The following SLC15A1 variants were observed in gnomAD, a reference collection of about 807,000 sequenced individuals.
SLC15A1 encodes the protein solute carrier family 15 member 1.
In SLC15A1, 83 loss-of-function variants were observed where a neutral mutation model predicts 92.9. The ratio of observed to expected loss-of-function variants is 0.89; its 90% CI spans 0.75 to 1.07. The LOEUF (loss-of-function observed/expected upper bound fraction) is 1.07. Ranked by LOEUF, SLC15A1 falls within the 50% of genes least tolerant of loss-of-function variation. SLC15A1 has a pLI of 0.00. For missense variants in SLC15A1, 857 were observed against 880.1 expected (o/e 0.97, Z 0.33); for synonymous variants, 322 against 318.2 (o/e 1.01, Z -0.13).
chr13:98,723,865 C>G (rs369555093), intron 5 of SLC15A1, 47 bp downstream of exon 5: 3 of 1,609,786 alleles, frequency 1.9e-6, no homozygotes, highest in Admixed American at 1.7e-5. Flanking sequence ...GCATCAAATG[C>G]GCACAAGGTG....
At chr13:98,747,640 G>C (rs1453835772) in intron 1 of SLC15A1, among the ~76,000 whole-genome samples, 1 of 152,162 alleles carries the variant, frequency 6.6e-6, no homozygotes, top group Non-Finnish European at 1.5e-5. Flanking sequence ...CAGCACTTTG[G>C]GAGGCCAAGG....
chr13:98,744,024 C>G (rs1044441291), intron 1 of SLC15A1, among the ~76,000 whole-genome samples: 3 of 151,704 alleles, frequency 2.0e-5, no homozygotes, highest in African/African-American at 7.3e-5. Context: ...ACATAAATGT[C>G]GCTAAATTAA....
At chr13:98,725,504 C>A (rs1841176665) in intron 4 of SLC15A1, among the ~76,000 whole-genome samples, 2 of 152,150 alleles carry the variant, frequency 1.3e-5, no homozygotes, top group Admixed American at 1.3e-4. Context: ...TTCTTCATAT[C>A]CCCAGACCTT....
At chr13:98,743,819 C>T (rs1275631086) in intron 1 of SLC15A1, among the ~76,000 whole-genome samples, 1 of 151,940 alleles carries the variant, frequency 6.6e-6, no homozygotes, top group Non-Finnish European at 1.5e-5. Context: ...GGTAAATAAA[C>T]AAATATATGC....
intron 18 of SLC15A1, among the ~76,000 whole-genome samples, chr13:98,699,368 C>T (rs2088049175): frequency 1.3e-5 from 2 of 152,206 alleles, no homozygotes; most frequent in Admixed American, 6.5e-5. Flanking sequence ...GGACCAGCCC[C>T]TCCCCACACC....
chr13:98,740,973 G>C (rs1316059083), intron 1 of SLC15A1, among the ~76,000 whole-genome samples: 1 of 152,206 alleles, frequency 6.6e-6, no homozygotes, highest in African/African-American at 2.4e-5. Context: ...TTCTGGAGTG[G>C]CTCTTGTTGA....
intron 22 of SLC15A1, 69 bp downstream of exon 22, chr13:98,686,121 G>A (rs1185208165): frequency 8.6e-7 from 1 of 1,161,226 alleles, no homozygotes; most frequent in Non-Finnish European, 1.3e-6. Context: ...AGATGGCTAG[G>A]GAAGGCCACC....
At chr13:98,726,088 G>T (rs189851810) in intron 4 of SLC15A1, 35 bp downstream of exon 4, 11 of 1,605,754 alleles carry the variant, frequency 6.9e-6, no homozygotes, top group Admixed American at 3.4e-5. Flanking sequence ...TTACTTTTTC[G>T]CTTGTTTGTG....
chr13:98,712,478 T>C lies in SLC15A1; in HGVS notation c.810+20A>G, dbSNP rs760513341. 2 of 1,543,164 alleles carry C rather than the reference T, an allele frequency of 1.3e-6. No individual in the cohort carries two copies. The highest frequency in any genetic ancestry group is 1.8e-6 in the Non-Finnish European group (2 of 1,117,594). ...CTTCCTGGGGGAATCAGGGTCATTG[T>C]AGCAATGACCGTTACTTACATCGTA... On this transcript the variant is annotated intron_variant, in intron 10 of 22. Coordinates refer to ENST00000376503, the MANE Select transcript of SLC15A1 (RefSeq NM_005073.4).
At chr13:98,694,770 T>G (rs2088007821) in intron 18 of SLC15A1, among the ~76,000 whole-genome samples, 1 of 152,188 alleles carries the variant, frequency 6.6e-6, no homozygotes, top group African/African-American at 2.4e-5. Flanking sequence ...CTCATGCCTG[T>G]AATCCCAGCA....
rs1445016370 is a variant in SLC15A1, at chr13:98,704,445, G to T, written c.1270-10C>A. 1.2e-6 allele frequency: 2 copies of T among 1,609,004 alleles called. No individual in the cohort carries two copies. The highest frequency in any genetic ancestry group is 1.7e-5 in the Admixed American group (1 of 59,414). On this transcript the variant is annotated splice_polypyrimidine_tract_variant and intron_variant, in intron 16 of 22. Transcript: ENST00000376503. ...TCATAAATGCATTTGTCTATAGAGG[G>T]AGGGAAAGAGGCATAGTTAATATCA...
intron 15 of SLC15A1, among the ~76,000 whole-genome samples, chr13:98,707,217 C>T (rs1202087900): frequency 3.9e-5 from 6 of 152,202 alleles, no homozygotes; most frequent in African/African-American, 9.7e-5. Flanking sequence ...CATGGCGGCA[C>T]TGTTTGCAAT....
At chr13:98,714,633 G>T (rs1246666808) in intron 9 of SLC15A1, among the ~76,000 whole-genome samples, 41 of 109,214 alleles carry the variant, frequency 3.8e-4, no homozygotes, top group African/African-American at 1.5e-3. Context: ...CAGCCTGGGC[G>T]ACAGAGCAAG....
chr13:98,742,849 C>T (rs2088460137), intron 1 of SLC15A1, among the ~76,000 whole-genome samples: 1 of 152,218 alleles, frequency 6.6e-6, no homozygotes, highest in African/African-American at 2.4e-5. Context: ...GATCATAGCT[C>T]ACTGCAGCCT....
chr13:98,702,171 C>A (rs2088073404), intron 18 of SLC15A1, among the ~76,000 whole-genome samples: 1 of 152,160 alleles, frequency 6.6e-6, no homozygotes, highest in Non-Finnish European at 1.5e-5. Flanking sequence ...TTGTAGATGT[C>A]CTTTTTCAGG....
intron 7 of SLC15A1, chr13:98,720,928 T>C (rs2088252255): frequency 1.1e-4 from 39 of 354,122 alleles, no homozygotes; most frequent in South Asian, 8.6e-4. Flanking sequence ...GGCAGGCGCC[T>C]GTTGTCCCAG....
intron 8 of SLC15A1, among the ~76,000 whole-genome samples, chr13:98,716,664 A>G (rs1468475486): frequency 1.3e-5 from 2 of 152,218 alleles, no homozygotes; most frequent in Non-Finnish European, 2.9e-5. Context: ...AATCTTCTGA[A>G]TGCAATGGGA....
chr13:98,721,392 C>T, intron 7 of SLC15A1, 103 bp downstream of exon 7: 1 of 821,994 alleles, frequency 1.2e-6, no homozygotes. Flanking sequence ...TAGCTGACAG[C>T]TAGAAAACAG....
chr13:98,692,061 G>A (rs145016643), intron 18 of SLC15A1, among the ~76,000 whole-genome samples: 2,193 of 142,972 alleles, frequency 0.015, 54 homozygotes, highest in African/African-American at 0.054. Flanking sequence ...CAACAAGAGC[G>A]AAACTCCATC....
Sources: gnomAD v4.1 joint callset for allele counts (sites outside exome capture counted in the v4.1 genomes callset) on GRCh38, gnomAD v4.1.1 for gene constraint, MANE v1.5 for transcripts, NCBI Gene and HGNC (gene_info 2026-07-23, HGNC 2026-07-21) for gene names.